Variants in DENND11 observed in about 807,000 individuals in gnomAD.
DENND11 encodes DENN domain-containing protein 11.
Under a neutral mutation model 49.2 loss-of-function variants are expected in DENND11, and 34 were observed. The ratio of observed to expected loss-of-function variants is 0.69; its 90% CI spans 0.53 to 0.92. The LOEUF is 0.92. Among genes scored for constraint, DENND11 ranks in the 40% least tolerant of loss-of-function variants. The probability of loss-of-function intolerance (pLI) is 0.00; values close to 1 mark genes in which losing one functional copy is unlikely to be tolerated. For synonymous variants in DENND11, 238 were observed against 230.3 expected (o/e 1.03, Z -0.30); for missense variants, 475 against 581.6 (o/e 0.82, Z 1.88).
At position 141,665,016 on chromosome 7, in the gene DENND11, A is replaced by C. The variant is rs1376270517; in HGVS notation, c.991T>G (p.Tyr331Asp). The change falls in exon 7 of 9, where the codon TAT (tyrosine) becomes GAT (aspartate). Residue 331 changes from tyrosine (Y) to aspartate (D), a missense_variant. By Grantham distance (160) the Tyr-to-Asp change is radical. Transcript: ENST00000536163. ...TTCTGGTTATCCACGTAGACGTCAT[A>C]CAGCTCCCGCTTCTCCTCGAATATC... is the stretch of plus-strand genomic sequence containing the variant. ...EKIFEEKREL[Y>D]DVYVDNQNVK... 6.2e-7 allele frequency: 1 copy of C among 1,613,872 alleles called. No individual in the cohort carries two copies. Among genetic ancestry groups the C allele is most frequent in the Admixed American group, 1.7e-5 (1 of 59,994 alleles).
At chr7:141,692,760 A>AC (rs1798347482) in intron 1 of DENND11, among the ~76,000 whole-genome samples, 1 of 152,136 alleles carries the variant, frequency 6.6e-6, no homozygotes, top group Non-Finnish European at 1.5e-5. Context: ...TGGGAGGATC[A>AC]CTTGAGCCCA....
intron 3 of DENND11, among the ~76,000 whole-genome samples, chr7:141,677,473 TTA>T (rs982652441): frequency 7.1e-6 from 1 of 139,984 alleles, no homozygotes; most frequent in African/African-American, 2.6e-5. Flanking sequence ...GTATATATAT[TTA>T]TATATATTTA....
chr7:141,694,764 CA>C (rs34075623), intron 1 of DENND11, among the ~76,000 whole-genome samples: 52,677 of 152,034 alleles, frequency 0.35, 10,968 homozygotes, highest in East Asian at 0.52. Context: ...ATGAAAAACA[CA>C]AAGTCAATGT....
In DENND11 at chr7:141,701,958, G is replaced by A; in HGVS notation, c.196C>T (p.Arg66Cys). ...AAPEVLLQPG[R>C]LELGDVEEDQ... ...TCCTCCACGTCGCCCAGCTCCAGGC[G>A]CCCGGGCTGCAGCAGCACCTCCGGG... Residue 66 changes from arginine (R) to cysteine (C), a missense_variant, in exon 1 of 9, where the codon CGC becomes TGC. Transcript: ENST00000536163. 8.4e-7 allele frequency: 1 copy of A among 1,184,524 alleles called. No individual in the cohort carries two copies. The highest frequency in any genetic ancestry group is 1.0e-6 in the Non-Finnish European group (1 of 958,026). The allele number at this position is 1,184,524 out of a possible 1,614,324, so 73.4% of individuals were successfully genotyped here.
chr7:141,684,753 T>A (rs1006716013), intron 3 of DENND11, among the ~76,000 whole-genome samples: 3 of 151,946 alleles, frequency 2.0e-5, no homozygotes, highest in African/African-American at 7.2e-5. Context: ...AGAAAAGAAG[T>A]GGTAACATTT....
intron 1 of DENND11, chr7:141,701,438 G>A (rs1474117055): frequency 9.0e-6 from 1 of 111,458 alleles, no homozygotes; most frequent in Non-Finnish European, 1.9e-5. Context: ...GGGAGCGGGG[G>A]ACGGGATGGG....
chr7:141,688,199 G>C (rs183916230), intron 1 of DENND11, among the ~76,000 whole-genome samples: 2 of 152,312 alleles, frequency 1.3e-5, no homozygotes, highest in East Asian at 1.9e-4. Flanking sequence ...TTGTTTTCAT[G>C]CATATTCAAA....
intron 4 of DENND11, among the ~76,000 whole-genome samples, chr7:141,667,522 GC>G (rs1797913713): frequency 6.6e-6 from 1 of 151,880 alleles, no homozygotes; most frequent in South Asian, 2.1e-4. Context: ...CACTACTGTT[GC>G]TTTGAAAAAC....
Position 141,662,797 on chromosome 7 carries a change from G to A in DENND11, c.1227C>T (p.Ala409=). 1 of 1,599,362 alleles carries A rather than the reference G, an allele frequency of 6.3e-7. No individual in the cohort carries two copies. The highest frequency in any genetic ancestry group is 8.5e-7 in the Non-Finnish European group (1 of 1,172,602). The change falls in exon 9 of 9, where the codon GCC becomes GCT. Residue 409 remains alanine, a synonymous_variant. Coordinates refer to ENST00000536163, the MANE Select transcript of DENND11 (RefSeq NM_001080392.2). ...CTGCTGTCAGAGTTTTGTCTTGACT[G>A]GCAGACACCTCCAACAAAGTCTGAA... ...RIFQTLLEVS[A]SQDKTLTAEH... is the part of the protein sequence containing the mutation.
chr7:141,678,462 C>G (rs1374108415), intron 3 of DENND11, among the ~76,000 whole-genome samples: 2 of 152,058 alleles, frequency 1.3e-5, no homozygotes, highest in Middle Eastern at 3.2e-3. Context: ...TATACTTAGT[C>G]ATTTTAAACT....
chr7:141,682,485 G>A (rs1303257361), intron 3 of DENND11, among the ~76,000 whole-genome samples: 1 of 152,172 alleles, frequency 6.6e-6, no homozygotes, highest in African/African-American at 2.4e-5. Context: ...ACTTGACAAT[G>A]GAATATGAGA....
rs761806017 is a variant in DENND11 at position 141,685,479 on chromosome 7, G to A, written c.526C>T (p.Arg176Trp). ...RYMHFLENQV[R>W]HQLEMPGHYS... ...TGCACATGTACGGAAGCCACGTACC[G>A]AACCTGGTTCTCCAAGAAGTGCATG... Residue 176 changes from arginine (R) to tryptophan (W), a missense_variant and splice_region_variant, in exon 3 of 9, where the codon CGG becomes TGG. Physicochemically the swap from Arg to Trp is moderately radical, Grantham distance 101. Coordinates refer to ENST00000536163, the MANE Select transcript of DENND11 (RefSeq NM_001080392.2). 58 of 1,613,790 alleles carry A rather than the reference G, an allele frequency of 3.6e-5. 1 individual carries two copies. In the East Asian group the frequency reaches 3.8e-4, roughly 11 times the overall value.
At chr7:141,699,520 G>A (rs1219646718) in intron 1 of DENND11, among the ~76,000 whole-genome samples, 1 of 152,034 alleles carries the variant, frequency 6.6e-6, no homozygotes, top group Non-Finnish European at 1.5e-5. Context: ...CACATTTATG[G>A]TCAGTAAAGG....
chr7:141,667,573 A>G (rs1255438553), intron 4 of DENND11, among the ~76,000 whole-genome samples: 1 of 152,160 alleles, frequency 6.6e-6, no homozygotes, highest in Non-Finnish European at 1.5e-5. Flanking sequence ...GCTTTGTGAA[A>G]GGTCATTTCC....
rs2117089321 is a variant in DENND11, at chr7:141,701,881, C to T, written c.268+5G>A. ...CCACGCGCCTGGCCCCGGCGCGGCC[C>T]TCACCCGAGCGGGGGTCGAAGGTGA... On this transcript the variant is annotated splice_donor_5th_base_variant and intron_variant, in intron 1 of 8. Transcript: ENST00000536163. 8.4e-7 allele frequency: 1 copy of T among 1,196,910 alleles called. No homozygotes were observed. The highest frequency in any genetic ancestry group is 1.0e-6 in the Non-Finnish European group (1 of 966,088). 74.1% of individuals were successfully genotyped at this position (1,196,910 alleles called of 1,614,324 possible). A position where few individuals can be genotyped will look rare whatever the true frequency, so the allele number is the denominator to read the frequency against.
Position 141,658,917 on chromosome 7 carries a change from C to T in DENND11, c.*3739G>A, listed in dbSNP as rs1797742246. ...TTGAAGGGCTTTCAGTGCATCAAGACTGAGAGCAAATTCATCCTCATAGCC... is the reference window on the plus strand; with the variant it reads ...TTGAAGGGCTTTCAGTGCATCAAGATTGAGAGCAAATTCATCCTCATAGCC... On this transcript the variant is annotated 3_prime_UTR_variant, in exon 9 of 9. Transcript: ENST00000536163. 1 of 152,584 alleles carries T rather than the reference C, an allele frequency of 6.6e-6. No homozygotes were observed. The highest frequency in any genetic ancestry group is 1.5e-5 in the Non-Finnish European group (1 of 68,032). The allele number at this position is 152,584 out of a possible 1,614,324, so 9.5% of individuals were successfully genotyped here. A position where few individuals can be genotyped will look rare whatever the true frequency, so the allele number is the denominator to read the frequency against.
At chr7:141,667,436 A>G (rs1190646280) in intron 4 of DENND11, among the ~76,000 whole-genome samples, 1 of 152,130 alleles carries the variant, frequency 6.6e-6, no homozygotes, top group Non-Finnish European at 1.5e-5. Context: ...ATCATCACCT[A>G]CCTCGTAGGG....
At position 141,675,283 on chromosome 7, in the gene DENND11, T is replaced by A. The variant is rs1798047044; in HGVS notation, c.528-1063A>T. On this transcript the variant is annotated intron_variant, in intron 3 of 8. Transcript: ENST00000536163. The stretch of plus-strand genomic sequence containing the variant: ...GCTCAGGGAGAGTCCTGGAACGGAT[T>A]CTCCTGCATAGCCCCAGAGGGAACT... Among the ~76,000 whole-genome samples, 6 of 152,302 alleles carry A rather than the reference T, an allele frequency of 3.9e-5. No homozygotes were observed. The South Asian group carries it at 1.2e-3, about 32-fold the overall frequency.
At chr7:141,689,140 T>A (rs1798287564) in intron 1 of DENND11, among the ~76,000 whole-genome samples, 1 of 152,186 alleles carries the variant, frequency 6.6e-6, no homozygotes. Flanking sequence ...AGCATAAGTA[T>A]AGAAAAGTGC....
Sources: allele counts gnomAD v4.1 joint callset (sites outside exome capture counted in the v4.1 genomes callset), GRCh38; gene constraint gnomAD v4.1.1; transcripts MANE v1.5; gene names NCBI Gene and HGNC (gene_info 2026-07-23, HGNC 2026-07-21).